The following TAFA1 variants were observed in gnomAD, a reference collection of about 807,000 sequenced individuals.
The protein encoded by TAFA1 is chemokine-like protein TAFA-1.
In TAFA1, 4 loss-of-function variants were observed where a neutral mutation model predicts 18.5. The ratio of observed to expected loss-of-function variants is 0.22; its 90% CI spans 0.11 to 0.49. The LOEUF (loss-of-function observed/expected upper bound fraction) is 0.49, where lower values mean the gene tolerates loss of function less well. Among genes scored for constraint, TAFA1 ranks in the 20% least tolerant of loss-of-function variants. The probability of loss-of-function intolerance (pLI) is 0.98; values close to 1 mark genes in which losing one functional copy is unlikely to be tolerated. For synonymous variants in TAFA1, 56 were observed against 55.2 expected (o/e 1.01, Z -0.06); for missense variants, 147 against 169.0 (o/e 0.87, Z 0.72).
rs552772220 is a variant in TAFA1 at position 68,010,744 on chromosome 3, T to G, written c.118+4000T>G. 2.6e-5 allele frequency among the ~76,000 whole-genome samples: 4 copies of G among 152,326 alleles called. No individual in the cohort carries two copies. In the South Asian group the frequency reaches 8.3e-4, roughly 32 times the overall value. ...CTAATGAGTAAAATGTGCTGTAGAT[T>G]AACAGATTTGTAATTTCAATAATTT... On this transcript the variant is annotated intron_variant, in intron 2 of 4. Transcript: ENST00000478136.
chr3:68,286,311 A>ATGAGTCTACG (rs1283012269), intron 2 of TAFA1, among the ~76,000 whole-genome samples: 1 of 152,150 alleles, frequency 6.6e-6, no homozygotes, highest in Non-Finnish European at 1.5e-5. Flanking sequence ...GGGTGAGTTA[A>ATGAGTCTACG]TGAGTCTACG....
chr3:68,223,995 A>T (rs2066764906), intron 2 of TAFA1, among the ~76,000 whole-genome samples: 1 of 150,836 alleles, frequency 6.6e-6, no homozygotes, highest in East Asian at 1.9e-4. Flanking sequence ...GCAGTTAATG[A>T]GAATAAAATT....
intron 2 of TAFA1, among the ~76,000 whole-genome samples, chr3:68,238,332 C>T (rs963530044): frequency 6.6e-6 from 1 of 152,138 alleles, no homozygotes; most frequent in Non-Finnish European, 1.5e-5. Flanking sequence ...ATTTCTCAGA[C>T]CTTCTTAATT....
chr3:68,183,374 T>G (rs1347463914), intron 2 of TAFA1, among the ~76,000 whole-genome samples: 1 of 152,166 alleles, frequency 6.6e-6, no homozygotes, highest in Non-Finnish European at 1.5e-5. Context: ...AGTCATGCAT[T>G]GTCATACATT....
the TAFA1 span, among the ~76,000 whole-genome samples, chr3:67,992,590 A>T: frequency 2.0e-5 from 3 of 152,212 alleles, no homozygotes; most frequent in South Asian, 4.1e-4. Context: ...TAGATATGGT[A>T]TCCATTCCAA....
chr3:68,265,609 A>G (rs1157444777), intron 2 of TAFA1, among the ~76,000 whole-genome samples: 1 of 152,178 alleles, frequency 6.6e-6, no homozygotes, highest in East Asian at 1.9e-4. Flanking sequence ...GGCCTGAACT[A>G]ACTGGGTTCA....
chr3:68,124,726 T>C (rs952055779), intron 2 of TAFA1, among the ~76,000 whole-genome samples: 5 of 152,194 alleles, frequency 3.3e-5, no homozygotes, highest in Admixed American at 6.5e-5. Flanking sequence ...TTTATGTGAG[T>C]CAGGATTTGA....
At chr3:68,015,282 T>G (rs1486545060) in intron 2 of TAFA1, among the ~76,000 whole-genome samples, 2 of 86,936 alleles carry the variant, frequency 2.3e-5, no homozygotes, top group African/African-American at 4.9e-5. Context: ...CTTTCTTTCT[T>G]TTTTCTTTCC....
At chr3:68,074,564 A>C (rs1174984797) in intron 2 of TAFA1, among the ~76,000 whole-genome samples, 2 of 152,238 alleles carry the variant, frequency 1.3e-5, no homozygotes, top group Admixed American at 1.3e-4. Flanking sequence ...TGATGACACT[A>C]AAATGAAAAA....
intron 2 of TAFA1, among the ~76,000 whole-genome samples, chr3:68,059,015 T>A (rs1229168081): frequency 6.6e-6 from 1 of 152,164 alleles, no homozygotes. Flanking sequence ...TAATGAGTAA[T>A]AAGTTATTTT....
chr3:68,528,725 A>G (rs1320869097), intron 3 of TAFA1, among the ~76,000 whole-genome samples: 2 of 152,220 alleles, frequency 1.3e-5, no homozygotes, highest in African/African-American at 4.8e-5. Context: ...TTCTGGGAAC[A>G]TGAATACAAT....
intron 2 of TAFA1, among the ~76,000 whole-genome samples, chr3:68,052,732 A>T (rs2064486017): frequency 6.6e-6 from 1 of 152,224 alleles, no homozygotes; most frequent in Non-Finnish European, 1.5e-5. Context: ...ATAAGACAAC[A>T]TCCTCTATCT....
At chr3:68,245,418 T>C (rs1221790192) in intron 2 of TAFA1, among the ~76,000 whole-genome samples, 1 of 152,236 alleles carries the variant, frequency 6.6e-6, no homozygotes, top group Non-Finnish European at 1.5e-5. Context: ...TTCCCAGATA[T>C]TAACCTGTAG....
intron 3 of TAFA1, among the ~76,000 whole-genome samples, chr3:68,505,340 G>A (rs1266549854): frequency 2.6e-5 from 4 of 152,108 alleles, no homozygotes; most frequent in African/African-American, 9.7e-5. Flanking sequence ...GGCATTGTGA[G>A]CATGGTTGTA....
At chr3:68,330,184 C>A (rs529082857) in intron 2 of TAFA1, among the ~76,000 whole-genome samples, 4 of 152,336 alleles carry the variant, frequency 2.6e-5, no homozygotes, top group African/African-American at 9.6e-5. Context: ...GTTACGTCGT[C>A]ATAGTTCTAG....
chr3:68,116,234 G>A (rs1349430849), intron 2 of TAFA1, among the ~76,000 whole-genome samples: 1 of 151,040 alleles, frequency 6.6e-6, no homozygotes, highest in Non-Finnish European at 1.5e-5. Flanking sequence ...CAGCCTGGGC[G>A]ACAAAGCAAG....
At chr3:68,314,870 T>C (rs2068581854) in intron 2 of TAFA1, among the ~76,000 whole-genome samples, 1 of 150,946 alleles carries the variant, frequency 6.6e-6, no homozygotes, top group Admixed American at 6.6e-5. Flanking sequence ...CTTACCATAG[T>C]TATTCTTCGG....
intron 2 of TAFA1, among the ~76,000 whole-genome samples, chr3:68,074,361 T>G (rs1382055415): frequency 6.6e-6 from 1 of 152,126 alleles, no homozygotes; most frequent in Non-Finnish European, 1.5e-5. Context: ...GTCTGGGGAT[T>G]GGGAACCCCT....
At chr3:68,483,059 A>G (rs1405188591) in intron 3 of TAFA1, among the ~76,000 whole-genome samples, 1 of 152,184 alleles carries the variant, frequency 6.6e-6, no homozygotes, top group Non-Finnish European at 1.5e-5. Flanking sequence ...GATATTCCCA[A>G]CTAAGGAATC....
Sources: allele counts gnomAD v4.1 joint callset (sites outside exome capture counted in the v4.1 genomes callset), GRCh38; gene constraint gnomAD v4.1.1; transcripts MANE v1.5; gene names NCBI Gene and HGNC (gene_info 2026-07-23, HGNC 2026-07-21).